PTPRD: variants seen among roughly 807,000 people sequenced by gnomAD.
PTPRD encodes protein tyrosine phosphatase receptor type D.
In PTPRD, 34 loss-of-function variants were observed where a neutral mutation model predicts 214.5. That is an observed-to-expected ratio of 0.16 (90% confidence interval 0.12 to 0.21). The LOEUF is 0.21. Ranked by LOEUF, PTPRD falls within the 10% of genes least tolerant of loss-of-function variation. The probability of loss-of-function intolerance (pLI) is 1.00; values close to 1 mark genes in which losing one functional copy is unlikely to be tolerated. For synonymous variants in PTPRD, 1,128 were observed against 845.7 expected, an observed-to-expected ratio of 1.33 and a Z score of -5.79; for missense variants, 2,545 against 2,398.7, an observed-to-expected ratio of 1.06 and a Z score of -1.27.
At chr9:10,530,986 G>C (rs941155826) in intron 2 of PTPRD, among the ~76,000 whole-genome samples, 1 of 151,124 alleles carries the variant, frequency 6.6e-6, no homozygotes, top group African/African-American at 2.4e-5. Context: ...TTCTTGCTCT[G>C]TCAGCCAGGC....
chr9:9,313,223 G>A (rs1192040895), intron 9 of PTPRD, among the ~76,000 whole-genome samples: 1 of 152,210 alleles, frequency 6.6e-6, no homozygotes, highest in Non-Finnish European at 1.5e-5. Flanking sequence ...GATGTTAAAT[G>A]AGGACTTAAC....
chr9:8,888,845 T>C (rs1352947626), intron 11 of PTPRD, among the ~76,000 whole-genome samples: 1 of 152,168 alleles, frequency 6.6e-6, no homozygotes, highest in African/African-American at 2.4e-5. Flanking sequence ...CTATCTTGCA[T>C]CCAAACCAAG....
intron 3 of PTPRD, among the ~76,000 whole-genome samples, chr9:10,270,909 C>A (rs1267606268): frequency 6.6e-6 from 1 of 152,098 alleles, no homozygotes; most frequent in African/African-American, 2.4e-5. Flanking sequence ...TAGCTCACTG[C>A]AGTCTTGAAC....
rs190591065 is a variant in PTPRD at position 9,726,526 on chromosome 9, T to G, written c.-287+8007A>C. Among the ~76,000 whole-genome samples the G allele has an allele frequency of 4.5e-3, 686 of 152,324 alleles. 5 individuals are homozygous for G. The highest frequency in any genetic ancestry group is 0.017 in the Middle Eastern group (5 of 294). ...AAGATGCTATGTTATTCTTTAAGCA[T>G]GATTTTTTAAACCATTTTAGTTTAA... On this transcript the variant is annotated intron_variant, in intron 7 of 45. Transcript: ENST00000381196.
At chr9:10,578,098 C>G (rs149008341) in intron 2 of PTPRD, among the ~76,000 whole-genome samples, 3 of 151,746 alleles carry the variant, frequency 2.0e-5, no homozygotes, top group Non-Finnish European at 4.4e-5. Context: ...TTAGGAGAGA[C>G]GGGGTTTCAC....
At chr9:10,228,940 A>T (rs1026354498) in intron 3 of PTPRD, among the ~76,000 whole-genome samples, 14 of 151,910 alleles carry the variant, frequency 9.2e-5, no homozygotes, top group African/African-American at 3.4e-4. Context: ...GAGTGTAAAA[A>T]CACTAAATAA....
intron 34 of PTPRD, among the ~76,000 whole-genome samples, chr9:8,443,814 T>C (rs1031911406): frequency 6.6e-6 from 1 of 152,162 alleles, no homozygotes; most frequent in Non-Finnish European, 1.5e-5. Context: ...TTCTTTGTAC[T>C]GAAAAGAAAG....
intron 2 of PTPRD, among the ~76,000 whole-genome samples, chr9:10,442,976 T>G (rs1220896339): frequency 6.6e-6 from 1 of 151,390 alleles, no homozygotes; most frequent in East Asian, 1.9e-4. Flanking sequence ...TGTTTGGATA[T>G]TCTTTTGAGG....
intron 3 of PTPRD, among the ~76,000 whole-genome samples, chr9:10,204,058 A>G (rs1012460574): frequency 6.6e-6 from 1 of 152,136 alleles, no homozygotes; most frequent in Non-Finnish European, 1.5e-5. Context: ...TTTGTTTTCC[A>G]ATCTACCAGC....
At chr9:10,423,805 C>A (rs1285633840) in intron 2 of PTPRD, among the ~76,000 whole-genome samples, 1 of 151,954 alleles carries the variant, frequency 6.6e-6, no homozygotes, top group African/African-American at 2.4e-5. Flanking sequence ...GACGTGTATA[C>A]AGACATGGTG....
At chr9:9,967,860 A>T (rs1002124490) in intron 4 of PTPRD, among the ~76,000 whole-genome samples, 3 of 152,172 alleles carry the variant, frequency 2.0e-5, no homozygotes, top group African/African-American at 7.2e-5. Flanking sequence ...AATAGCAAAA[A>T]TTAATAGGTT....
chr9:9,484,134 CTA>C (rs1266812804), intron 8 of PTPRD, among the ~76,000 whole-genome samples: 7 of 151,238 alleles, frequency 4.6e-5, no homozygotes, highest in Admixed American at 1.3e-4. Context: ...TTGATTTAAA[CTA>C]ATTATAATTA....
chr9:10,606,022 T>C (rs1440392153), intron 2 of PTPRD, among the ~76,000 whole-genome samples: 1 of 151,814 alleles, frequency 6.6e-6, no homozygotes, highest in Non-Finnish European at 1.5e-5. Flanking sequence ...GAGTAGTGCA[T>C]AATGTGAATA....
At chr9:10,426,042 T>A (rs1052475048) in intron 2 of PTPRD, among the ~76,000 whole-genome samples, 4 of 151,996 alleles carry the variant, frequency 2.6e-5, no homozygotes, top group Non-Finnish European at 4.4e-5. Context: ...TATAAAAATG[T>A]AATATTTTGG....
At chr9:10,479,663 A>AAACAAAC (rs1239210789) in intron 2 of PTPRD, among the ~76,000 whole-genome samples, 59 of 152,010 alleles carry the variant, frequency 3.9e-4, no homozygotes, top group African/African-American at 1.4e-3. Context: ...ATAAATAAAC[A>AAACAAAC]AAAATACAAA....
At chr9:8,516,722 G>A (rs987360946) in intron 21 of PTPRD, among the ~76,000 whole-genome samples, 11 of 151,410 alleles carry the variant, frequency 7.3e-5, no homozygotes, top group African/African-American at 2.4e-4. Flanking sequence ...CAAAACATTC[G>A]TAGATTAATG....
intron 14 of PTPRD, among the ~76,000 whole-genome samples, chr9:8,609,598 C>A (rs934854703): frequency 2.0e-5 from 3 of 152,064 alleles, no homozygotes; most frequent in African/African-American, 7.2e-5. Flanking sequence ...AGAACAGGAG[C>A]AATTTAGCAC....
chr9:9,222,373 G>C (rs757608821), intron 9 of PTPRD, among the ~76,000 whole-genome samples: 2 of 151,944 alleles, frequency 1.3e-5, no homozygotes, highest in Non-Finnish European at 2.9e-5. Context: ...GAAATAAATA[G>C]CACTTTAAGC....
At chr9:10,496,243 T>TA (rs1257926538) in intron 2 of PTPRD, among the ~76,000 whole-genome samples, 1 of 151,828 alleles carries the variant, frequency 6.6e-6, no homozygotes, top group Non-Finnish European at 1.5e-5. Flanking sequence ...TTGAAGCTAT[T>TA]ACCAGAACTG....
Sources: gnomAD v4.1 joint callset for allele counts (sites outside exome capture counted in the v4.1 genomes callset) on GRCh38, gnomAD v4.1.1 for gene constraint, MANE v1.5 for transcripts, NCBI Gene and HGNC (gene_info 2026-07-23, HGNC 2026-07-21) for gene names.